The following MYO9B variants were observed in gnomAD, a reference collection of about 807,000 sequenced individuals.
MYO9B encodes the protein unconventional myosin-IXb.
MYO9B carries 71 observed loss-of-function variants against 229.5 expected under a neutral mutation model. The observed-to-expected ratio is 0.31, with a 90% CI of 0.26 to 0.38. MYO9B has a LOEUF of 0.38. MYO9B is among the 10% of genes least tolerant of loss of function. The pLI, the probability that MYO9B is intolerant of heterozygous loss-of-function variation, is 1.00. For missense variants in MYO9B, 2,255 were observed against 2,920.5 expected, an observed-to-expected ratio of 0.77 and a Z score of 5.25; for synonymous variants, 1,185 against 1,235.8, an observed-to-expected ratio of 0.96 and a Z score of 0.86.
In MYO9B at chr19:17,172,046, G is replaced by A. The variant is rs2072730483; in HGVS notation, c.1794-290G>A. Among the ~76,000 whole-genome samples, 1 of 152,148 alleles carries A rather than the reference G, an allele frequency of 6.6e-6. No individual in the cohort carries two copies. Among genetic ancestry groups the A allele is most frequent in the African/African-American group, 2.4e-5 (1 of 41,426 alleles). ...TATGCCAGCTGACGCAGAGAGCAGA[G>A]TCCCAGCCCTCCACCAGCGTGTTCA... On this transcript the variant is annotated intron_variant, in intron 11 of 39. Transcript: ENST00000682292. This position sits in a 1 kb window ranked among gnomAD's most constrained non-coding sequence, Gnocchi z 8.2.
At chr19:17,107,605 C>T (rs1200825507) in intron 2 of MYO9B, among the ~76,000 whole-genome samples, 8 of 152,160 alleles carry the variant, frequency 5.3e-5, no homozygotes, top group African/African-American at 1.4e-4. Context: ...TCCACGGGGC[C>T]GCACTCCCTC....
In MYO9B at chr19:17,202,841, G is replaced by T; in HGVS notation, c.4837-1G>T. On this transcript the variant is annotated splice_acceptor_variant, in intron 28 of 39. Coordinates refer to ENST00000682292, the MANE Select transcript of MYO9B (RefSeq NM_004145.4). LOFTEE classifies it high-confidence loss of function. ...CAACCTCCTCCTTGTGTTCCTCACA[G>T]CAGAGCAAAGCTCAGAAGAAGAAGC... 1 of 1,594,488 alleles carries T rather than the reference G, an allele frequency of 6.3e-7. No individual in the cohort carries two copies. Among genetic ancestry groups the T allele is most frequent in the South Asian group, 1.1e-5 (1 of 87,820 alleles).
At chr19:17,097,787 G>A (rs1247434285) in intron 1 of MYO9B, among the ~76,000 whole-genome samples, 1 of 152,098 alleles carries the variant, frequency 6.6e-6, no homozygotes, top group Admixed American at 6.6e-5. Flanking sequence ...CTTCTCTTTA[G>A]GGCAGAGGTC....
At chr19:17,159,787 T>G (rs1034166696) in intron 8 of MYO9B, among the ~76,000 whole-genome samples, 1 of 152,268 alleles carries the variant, frequency 6.6e-6, no homozygotes, top group Non-Finnish European at 1.5e-5. Context: ...GTTTTGCTAA[T>G]AAAGTTTTAT....
In MYO9B at chr19:17,210,391, G is replaced by C. The variant is rs539314280; in HGVS notation, c.5796+11G>C. 6.3e-7 allele frequency: 1 copy of C among 1,588,286 alleles called. No homozygotes were observed. Among genetic ancestry groups the C allele is most frequent in the South Asian group, 1.1e-5 (1 of 87,192 alleles). ...TATGAGGGGGTCCTGGTATGTACGC[G>C]TTCGGTGGGCCCGCGGTGCATGTCT... is the stretch of plus-strand genomic sequence containing the variant. On this transcript the variant is annotated intron_variant, in intron 37 of 39. Transcript: ENST00000682292.
intron 2 of MYO9B, among the ~76,000 whole-genome samples, chr19:17,143,597 T>C (rs974023694): frequency 2.1e-4 from 32 of 151,894 alleles, no homozygotes; most frequent in African/African-American, 7.5e-4. Flanking sequence ...TGGGGCCTCC[T>C]GGAGGGTGGG....
intron 11 of MYO9B, among the ~76,000 whole-genome samples, chr19:17,169,146 CG>C (rs1310093787): frequency 3.3e-5 from 5 of 151,740 alleles, no homozygotes; most frequent in Non-Finnish European, 5.9e-5. Flanking sequence ...CCGAGGCAGG[CG>C]GATCACCTGA....
chr19:17,093,863 A>C (rs897323333), intron 1 of MYO9B, among the ~76,000 whole-genome samples: 21 of 143,552 alleles, frequency 1.5e-4, no homozygotes, highest in Middle Eastern at 3.9e-3. Context: ...CAGCTAATTT[A>C]TTTATTTATT....
intron 23 of MYO9B, 56 bp from the exon 24 acceptor site, chr19:17,198,128 T>C: frequency 6.2e-7 from 1 of 1,605,886 alleles, no homozygotes; most frequent in Admixed American, 1.7e-5. Flanking sequence ...GGCTTCCCCA[T>C]CTAGCACAGG....
chr19:17,143,108 G>A lies in MYO9B; in HGVS notation c.841-2289G>A, dbSNP rs1599365367. Among the ~76,000 whole-genome samples the A allele has an allele frequency of 2.0e-5, 3 of 151,972 alleles. No homozygotes were observed. The South Asian group carries it at 6.2e-4, about 32-fold the overall frequency. On this transcript the variant is annotated intron_variant, in intron 2 of 39. Transcript: ENST00000682292. Reference sequence around the variant, plus strand: ...GTAAAAGTTAGCCAGGCGTGGTGGTGCACACCTGTAATCCCAGCTACCCGG... The same window carrying A: ...GTAAAAGTTAGCCAGGCGTGGTGGTACACACCTGTAATCCCAGCTACCCGG...
chr19:17,075,819 G>A lies in MYO9B; in HGVS notation c.-114G>A, dbSNP rs1473199432. ...CTCGAGCAGCGGCGGGCTGGCAGGC[G>A]GTCGTCCGGCCGGGGACCCGGCCCG... On this transcript the variant is annotated 5_prime_UTR_variant, in exon 1 of 40. Transcript: ENST00000682292. 6.6e-6 allele frequency: 1 copy of A among 150,688 alleles called. No individual in the cohort carries two copies. The highest frequency in any genetic ancestry group is 1.5e-5 in the Non-Finnish European group (1 of 67,296). 9.3% of individuals were successfully genotyped at this position (150,688 alleles called of 1,614,324 possible). A position where few individuals can be genotyped will look rare whatever the true frequency, so the allele number is the denominator to read the frequency against.
chr19:17,186,247 C>G (rs911353305), intron 18 of MYO9B, among the ~76,000 whole-genome samples: 15 of 152,136 alleles, frequency 9.9e-5, no homozygotes, highest in Non-Finnish European at 7.4e-5. Flanking sequence ...GTCAGGGGTG[C>G]TTTTCAGATA....
chr19:17,141,490 G>T (rs1391555635), intron 2 of MYO9B, among the ~76,000 whole-genome samples: 1 of 152,166 alleles, frequency 6.6e-6, no homozygotes, highest in African/African-American at 2.4e-5. Context: ...GGAACACCAG[G>T]CCCCAGGACC....
intron 34 of MYO9B, 75 bp downstream of exon 34, chr19:17,206,859 G>T (rs1308379149): frequency 1.5e-6 from 2 of 1,355,246 alleles, no homozygotes; most frequent in Non-Finnish European, 2.1e-6. Flanking sequence ...TTCCCAGGAG[G>T]ACCCGAGCTG....
At position 17,172,491 on chromosome 19, in the gene MYO9B, C is replaced by A; in HGVS notation, c.1935+14C>A. On this transcript the variant is annotated intron_variant, in intron 12 of 39. Coordinates refer to ENST00000682292, the MANE Select transcript of MYO9B (RefSeq NM_004145.4). This position sits in a 1 kb window ranked among gnomAD's most constrained non-coding sequence, Gnocchi z 8.2. The stretch of plus-strand genomic sequence containing the variant: ...TATCAGATCAAGGTAGGTGTCTGCC[C>A]ATCACCACTGGTGGAAGCCTGAGGG... The A allele has an allele frequency of 3.1e-6, 5 of 1,612,392 alleles. No homozygotes were observed. Among genetic ancestry groups the A allele is most frequent in the Non-Finnish European group, 4.2e-6 (5 of 1,179,268 alleles).
intron 18 of MYO9B, among the ~76,000 whole-genome samples, chr19:17,186,696 A>G (rs1294262026): frequency 6.6e-6 from 1 of 150,888 alleles, no homozygotes; most frequent in Non-Finnish European, 1.5e-5. Flanking sequence ...AGTCATGACA[A>G]CCCTCCTCAT....
chr19:17,202,980 C>T, intron 29 of MYO9B, 97 bp downstream of exon 29: 1 of 1,468,722 alleles, frequency 6.8e-7, no homozygotes, highest in Non-Finnish European at 9.3e-7. Flanking sequence ...GGCCCGTCTG[C>T]ACGCGTATGT....
intron 20 of MYO9B, among the ~76,000 whole-genome samples, chr19:17,191,438 G>A (rs962917): frequency 0.45 from 68,351 of 151,982 alleles, 16,214 homozygotes; most frequent in East Asian, 0.74. Flanking sequence ...GACTCCCTCC[G>A]CGTCACCTGT....
chr19:17,078,114 G>C (rs1045858322), intron 1 of MYO9B, among the ~76,000 whole-genome samples: 2 of 152,090 alleles, frequency 1.3e-5, no homozygotes, highest in African/African-American at 2.4e-5. Flanking sequence ...GTCTTGGGTG[G>C]GCCTAGATTT....
Sources: gnomAD v4.1 joint callset for allele counts (sites outside exome capture counted in the v4.1 genomes callset) on GRCh38, gnomAD v4.1.1 for gene constraint, Gnocchi (gnomAD v3.1) non-coding constraint, MANE v1.5 for transcripts, NCBI Gene and HGNC (gene_info 2026-07-23, HGNC 2026-07-21) for gene names.